Variants in ANGPT4 observed in about 807,000 individuals in gnomAD.
The protein encoded by ANGPT4 is angiopoietin-4.
A neutral mutation model predicts 53.0 loss-of-function variants in ANGPT4; 50 were observed. That is an observed-to-expected ratio of 0.94 (90% CI 0.75 to 1.20). ANGPT4 has a LOEUF of 1.20. Among genes scored for constraint, ANGPT4 ranks in the 50% most tolerant of loss-of-function variants. The pLI, the probability that ANGPT4 is intolerant of heterozygous loss-of-function variation, is 0.00. For missense variants in ANGPT4, 648 were observed against 637.1 expected (o/e 1.02, Z -0.18); for synonymous variants, 251 against 259.7 (o/e 0.97, Z 0.32).
chr20:906,872 G>T (rs1198759214), intron 1 of ANGPT4, among the ~76,000 whole-genome samples: 1 of 152,262 alleles, frequency 6.6e-6, no homozygotes, highest in African/African-American at 2.4e-5. Flanking sequence ...GCCAGGGGTA[G>T]AGAGACTTGG....
chr20:895,987 G>T (rs1377097498), intron 1 of ANGPT4, among the ~76,000 whole-genome samples: 2 of 152,008 alleles, frequency 1.3e-5, no homozygotes, highest in African/African-American at 4.8e-5. Flanking sequence ...TTACATAACT[G>T]TATATGTCTG....
Position 885,142 on chromosome 20 carries a change from GCTGTGCTGCTGGTCC to G in ANGPT4, c.756_770del (p.Gln252_Ser257delinsHis), listed in dbSNP as rs1568832912. On this transcript the variant is annotated inframe_deletion, in exon 4 of 9. Transcript: ENST00000381922. Reference sequence around the variant, plus strand: ...GCAACAACACCAGCAGCTGGCGCAGGCTGTGCTGCTGGTCCTGCAGGAGGCTGGAGTTGTGCCTGA... The same window carrying G: ...GCAACAACACCAGCAGCTGGCGCAGGTGCAGGAGGCTGGAGTTGTGCCTGA... 1 of 1,612,088 alleles carries G rather than the reference GCTGTGCTGCTGGTCC, an allele frequency of 6.2e-7. No homozygotes were observed. Among genetic ancestry groups the G allele is most frequent in the Admixed American group, 1.7e-5 (1 of 59,790 alleles).
intron 1 of ANGPT4, among the ~76,000 whole-genome samples, chr20:899,891 G>C (rs1483503126): frequency 2.0e-5 from 3 of 152,158 alleles, no homozygotes; most frequent in Admixed American, 6.5e-5. Context: ...CTGCCACAAG[G>C]CTTCAGGGAC....
intron 1 of ANGPT4, among the ~76,000 whole-genome samples, chr20:915,688 G>T (rs185575962): frequency 1.4e-3 from 218 of 152,252 alleles, no homozygotes; most frequent in Non-Finnish European, 2.4e-3. Flanking sequence ...ATGGATTTCT[G>T]TTGGATGAAT....
rs1359593532 is a variant in ANGPT4, at chr20:914,784, C to G, written c.309+1122G>C. Among the ~76,000 whole-genome samples, 2 of 152,096 alleles carry G rather than the reference C, an allele frequency of 1.3e-5. No homozygotes were observed. The highest frequency in any genetic ancestry group is 4.8e-5 in the African/African-American group (2 of 41,386). On this transcript the variant is annotated intron_variant, in intron 1 of 8. Coordinates refer to ENST00000381922, the MANE Select transcript of ANGPT4 (RefSeq NM_015985.4). This position sits in a 1 kb window ranked among gnomAD's most constrained non-coding sequence, Gnocchi z 5.0. ...CCAGGATGTCTCCTGTACCCTCATGCCCCGCCAGGGCCAAGCCTGCTTTGC... is the reference window on the plus strand; with the variant it reads ...CCAGGATGTCTCCTGTACCCTCATGGCCCGCCAGGGCCAAGCCTGCTTTGC...
At chr20:893,659 T>A (rs1030247088) in intron 1 of ANGPT4, among the ~76,000 whole-genome samples, 1 of 152,062 alleles carries the variant, frequency 6.6e-6, no homozygotes, top group Non-Finnish European at 1.5e-5. Context: ...CCAATGAGCA[T>A]CTCAAGCCCA....
At chr20:902,045 T>C (rs1321007229) in intron 1 of ANGPT4, among the ~76,000 whole-genome samples, 3 of 152,200 alleles carry the variant, frequency 2.0e-5, no homozygotes, top group Non-Finnish European at 4.4e-5. Flanking sequence ...TGGATCCATT[T>C]GTGTGTAAGA....
At chr20:881,804 C>T in intron 4 of ANGPT4, among the ~76,000 whole-genome samples, 1 of 152,204 alleles carries the variant, frequency 6.6e-6, no homozygotes, top group African/African-American at 2.4e-5. Context: ...TGAGAAAGAG[C>T]ACTCTGTCCA....
At position 908,392 on chromosome 20, in the gene ANGPT4, A is replaced by G. The variant is rs1442325421; in HGVS notation, c.309+7514T>C. ...GCACTTGCTGTCCCGTGTGCCTGGA[A>G]TGCTTTTGCTTCCTTTCCCTGTCTC... On this transcript the variant is annotated intron_variant, in intron 1 of 8. Coordinates refer to ENST00000381922, the MANE Select transcript of ANGPT4 (RefSeq NM_015985.4). This position sits in a 1 kb window ranked among gnomAD's most constrained non-coding sequence, Gnocchi z 4.9. Among the ~76,000 whole-genome samples the G allele has an allele frequency of 6.6e-6, 1 of 152,084 alleles. No homozygotes were observed. The highest frequency in any genetic ancestry group is 6.5e-5 in the Admixed American group (1 of 15,288).
At chr20:894,910 C>T (rs1475766672) in intron 1 of ANGPT4, among the ~76,000 whole-genome samples, 3 of 152,192 alleles carry the variant, frequency 2.0e-5, no homozygotes, top group Non-Finnish European at 4.4e-5. Context: ...AAGCACCTCA[C>T]TGGTCCCCCA....
intron 7 of ANGPT4, among the ~76,000 whole-genome samples, chr20:877,540 G>A (rs138334240): frequency 2.6e-5 from 4 of 152,256 alleles, no homozygotes; most frequent in East Asian, 3.9e-4. Context: ...ACTTCAAAGT[G>A]TTGTGGGGAA....
At position 870,790 on chromosome 20, in the gene ANGPT4, C is replaced by G. The variant is rs1980911009; in HGVS notation, c.*2170G>C. On this transcript the variant is annotated 3_prime_UTR_variant, in exon 9 of 9. Transcript: ENST00000381922. ...AGTGCAGGAGAAGGGGCGGCATGTG[C>G]TGGGGAATGCCTTCCTCACCCCATT... 1 of 152,202 alleles carries G rather than the reference C, an allele frequency of 6.6e-6. No individual in the cohort carries two copies. The highest frequency in any genetic ancestry group is 1.9e-4 in the East Asian group (1 of 5,192). The allele number at this position is 152,202 out of a possible 1,614,324, so 9.4% of individuals were successfully genotyped here.
intron 4 of ANGPT4, among the ~76,000 whole-genome samples, chr20:882,395 C>T (rs966336165): frequency 6.6e-6 from 1 of 152,154 alleles, no homozygotes; most frequent in African/African-American, 2.4e-5. Context: ...AGGTTGTCAA[C>T]ACCAGTGAGG....
chr20:890,322 A>C lies in ANGPT4; in HGVS notation c.356T>G (p.Val119Gly), dbSNP rs767678821. 3.1e-6 allele frequency: 5 copies of C among 1,613,052 alleles called. No homozygotes were observed. In the East Asian group the frequency reaches 1.1e-4, roughly 36 times the overall value. Residue 119 changes from valine to glycine, a missense_variant, in exon 2 of 9, where the codon GTC (valine) becomes GGC (glycine). By Grantham distance (109) the Val-to-Gly change is moderately radical (BLOSUM62 -3). Transcript: ENST00000381922. ...CTGATTCTGGGCCATTTGCTGCTGG[A>C]CCTGCTCCAGCTTCGACCTCAAGAT... ...KTILRSKLEQ[V>G]QQQMAQNQTA...
intron 1 of ANGPT4, among the ~76,000 whole-genome samples, chr20:903,810 C>T (rs1415910536): frequency 2.0e-5 from 3 of 152,150 alleles, no homozygotes; most frequent in South Asian, 2.1e-4. Flanking sequence ...TAAAAGGAAA[C>T]GGGCTTTAGC....
chr20:892,700 C>T (rs1029916021), intron 1 of ANGPT4, among the ~76,000 whole-genome samples: 4 of 151,934 alleles, frequency 2.6e-5, no homozygotes, highest in South Asian at 4.2e-4. Flanking sequence ...TGCCTTTTGG[C>T]GTCTCACTGT....
At chr20:889,879 T>C (rs1262642688) in intron 2 of ANGPT4, among the ~76,000 whole-genome samples, 1 of 152,172 alleles carries the variant, frequency 6.6e-6, no homozygotes, top group Non-Finnish European at 1.5e-5. Flanking sequence ...GCCCAGTGAA[T>C]TGTTTCTTAT....
chr20:903,229 C>T lies in ANGPT4; in HGVS notation c.309+12677G>A, dbSNP rs74917703. On this transcript the variant is annotated intron_variant, in intron 1 of 8. Transcript: ENST00000381922. ...TGTTCCAGAACCAGACCCAAAGCAC[C>T]AAGGTTTCTGTGAATGGGGGTGGCA... Among the ~76,000 whole-genome samples, 771 of 152,280 alleles carry T rather than the reference C, an allele frequency of 5.1e-3. 10 individuals are homozygous for T. Among genetic ancestry groups the T allele is most frequent in the African/African-American group, 0.017 (704 of 41,548 alleles).
At chr20:876,310 G>C (rs1981170410) in intron 7 of ANGPT4, among the ~76,000 whole-genome samples, 1 of 152,134 alleles carries the variant, frequency 6.6e-6, no homozygotes, top group Non-Finnish European at 1.5e-5. Context: ...GGTTGGCTCA[G>C]TCCCCACACC....
Sources: gnomAD v4.1 joint callset for allele counts (sites outside exome capture counted in the v4.1 genomes callset) on GRCh38, gnomAD v4.1.1 for gene constraint, Gnocchi (gnomAD v3.1) non-coding constraint, MANE v1.5 for transcripts, NCBI Gene and HGNC (gene_info 2026-07-23, HGNC 2026-07-21) for gene names.